MME: variants seen among roughly 807,000 people sequenced by gnomAD.
MME encodes neprilysin.
In MME, 98 loss-of-function variants were observed where a neutral mutation model predicts 113.2. The observed-to-expected ratio is 0.87, with a 90% CI of 0.74 to 1.02. The LOEUF is 1.02. Ranked by LOEUF, MME falls within the 50% of genes least tolerant of loss-of-function variation. The probability of loss-of-function intolerance (pLI) is 0.00; values close to 1 mark genes in which losing one functional copy is unlikely to be tolerated. For missense variants in MME, 836 were observed against 896.0 expected, an observed-to-expected ratio of 0.93 and a Z score of 0.86; for synonymous variants, 292 against 300.6, an observed-to-expected ratio of 0.97 and a Z score of 0.30.
intron 8 of MME, among the ~76,000 whole-genome samples, chr3:155,131,831 A>T (rs527342187): frequency 6.6e-6 from 1 of 152,322 alleles, no homozygotes; most frequent in East Asian, 1.9e-4. Context: ...CTCTCTGCTA[A>T]CAACTGCACA....
intron 1 of MME, among the ~76,000 whole-genome samples, chr3:155,056,879 A>G (rs1171553618): frequency 6.6e-6 from 1 of 152,200 alleles, no homozygotes; most frequent in Admixed American, 6.5e-5. Flanking sequence ...GTGTTGGGAA[A>G]ACTGGCTAGC....
chr3:155,099,089 T>C (rs61763214), intron 3 of MME, among the ~76,000 whole-genome samples: 1 of 152,292 alleles, frequency 6.6e-6, no homozygotes, highest in Non-Finnish European at 1.5e-5. Context: ...CTTTTCCATG[T>C]TGGGGCAAGG....
Position 155,148,892 on chromosome 3 carries a change from G to A in MME, c.1601+239G>A, listed in dbSNP as rs113869626. ...CTCAAATTTACATGTCTTTAGTTTC[G>A]TCTTATGTCATTGCCTATCAGCTCA... On this transcript the variant is annotated intron_variant, in intron 16 of 22. Coordinates refer to ENST00000360490, the MANE Select transcript of MME (RefSeq NM_007289.4). Among the ~76,000 whole-genome samples, 42 of 151,946 alleles carry A rather than the reference G, an allele frequency of 2.8e-4. 1 individual carries two copies. The highest frequency in any genetic ancestry group is 3.2e-3 in the Middle Eastern group (1 of 316).
At chr3:155,117,609 T>TG (rs1718733913) in intron 7 of MME, among the ~76,000 whole-genome samples, 2 of 129,220 alleles carry the variant, frequency 1.5e-5, no homozygotes, top group African/African-American at 5.4e-5. Context: ...GTTTTTTTTT[T>TG]TTTTTGGTTT....
chr3:155,167,579 A>G (rs147613930), intron 18 of MME, among the ~76,000 whole-genome samples: 1 of 152,316 alleles, frequency 6.6e-6, no homozygotes, highest in African/African-American at 2.4e-5. Context: ...AAAGACGTGA[A>G]ATATGTAAAG....
At chr3:155,030,143 G>A (rs1712920679) in intron 1 of MME, among the ~76,000 whole-genome samples, 1 of 152,040 alleles carries the variant, frequency 6.6e-6, no homozygotes, top group African/African-American at 2.4e-5. Flanking sequence ...AAAGGGAATA[G>A]GTAAAGATTC....
chr3:155,053,141 TC>T (rs1394904861), intron 1 of MME, among the ~76,000 whole-genome samples: 2 of 152,170 alleles, frequency 1.3e-5, no homozygotes, highest in Non-Finnish European at 2.9e-5. Flanking sequence ...TTCCAAACTT[TC>T]CCACATTTTC....
chr3:155,084,547 A>C lies in MME; in HGVS notation c.160+220A>C, dbSNP rs556974910. 2.0e-5 allele frequency among the ~76,000 whole-genome samples: 3 copies of C among 152,352 alleles called. No individual in the cohort carries two copies. The South Asian group carries it at 6.2e-4, about 32-fold the overall frequency. ...TAAGTTATTAATTGCAAGTATATTT[A>C]GTGCGCTCACGCTTACTTATGAGGA... On this transcript the variant is annotated intron_variant, in intron 2 of 22. Transcript: ENST00000360490.
chr3:155,138,024 G>A, intron 8 of MME, 78 bp from the exon 9 acceptor site: 1 of 1,506,998 alleles, frequency 6.6e-7, no homozygotes, highest in Non-Finnish European at 9.2e-7. Context: ...AATTAATATT[G>A]AAATGAAAAT....
chr3:155,031,349 T>C (rs1049810805), intron 1 of MME, among the ~76,000 whole-genome samples: 1 of 152,154 alleles, frequency 6.6e-6, no homozygotes, highest in Admixed American at 6.6e-5. Flanking sequence ...TAAATACATT[T>C]TCCCCTTTTG....
chr3:155,078,352 A>G (rs927799095), upstream of MME, among the ~76,000 whole-genome samples: 2 of 152,178 alleles, frequency 1.3e-5, no homozygotes, highest in Non-Finnish European at 2.9e-5. Context: ...ATGCACAGAG[A>G]AAGCGTAAAT....
intron 1 of MME, among the ~76,000 whole-genome samples, chr3:155,038,067 G>C (rs917048602): frequency 6.6e-6 from 1 of 152,108 alleles, no homozygotes; most frequent in Non-Finnish European, 1.5e-5. Context: ...CACACACTTT[G>C]AAGTGTTTCC....
chr3:155,088,168 C>T (rs1184964335), intron 3 of MME, among the ~76,000 whole-genome samples: 2 of 152,044 alleles, frequency 1.3e-5, no homozygotes. Context: ...CACACACCCT[C>T]ATGGATACAC....
intron 1 of MME, among the ~76,000 whole-genome samples, chr3:155,044,305 GTAT>G (rs1170809511): frequency 4.0e-5 from 6 of 150,438 alleles, no homozygotes; most frequent in Admixed American, 2.7e-4. Flanking sequence ...GCTAATTTTT[GTAT>G]TATTAGTACA....
intron 8 of MME, among the ~76,000 whole-genome samples, chr3:155,137,486 C>T (rs1415785132): frequency 1.3e-5 from 2 of 152,128 alleles, no homozygotes; most frequent in South Asian, 2.1e-4. Context: ...GCAGGCGGAT[C>T]ACAATGTCAG....
intron 2 of MME, 38 bp downstream of exon 2, chr3:155,084,365 A>T (rs1294690681): frequency 6.2e-7 from 1 of 1,606,308 alleles, no homozygotes; most frequent in African/African-American, 1.3e-5. Flanking sequence ...ATAAGTGCAA[A>T]AGAGAAGGAA....
chr3:155,110,599 C>T (rs2108240189), intron 3 of MME, among the ~76,000 whole-genome samples: 1 of 152,268 alleles, frequency 6.6e-6, no homozygotes, highest in East Asian at 1.9e-4. Context: ...TCGAAACATT[C>T]AGAATTGTCA....
chr3:155,030,285 T>C (rs1163187466), intron 1 of MME, among the ~76,000 whole-genome samples: 1 of 152,144 alleles, frequency 6.6e-6, no homozygotes, highest in Non-Finnish European at 1.5e-5. Context: ...CAAATGGAGA[T>C]TTTCTTTGTA....
At position 155,172,227 on chromosome 3, in the gene MME, T is replaced by C. The variant is rs372758338; in HGVS notation, c.2076+15T>C. ...ACTTTGCACAGGTATTGTGTCTTTC[T>C]TGATTGATAGATATGAAAACCATTT... is the stretch of plus-strand genomic sequence containing the variant. On this transcript the variant is annotated intron_variant, in intron 21 of 22. Transcript: ENST00000360490. 2 of 1,527,558 alleles carry C rather than the reference T, an allele frequency of 1.3e-6. No homozygotes were observed. Among genetic ancestry groups the C allele is most frequent in the Non-Finnish European group, 1.8e-6 (2 of 1,101,860 alleles). The allele number at this position is 1,527,558 out of a possible 1,614,324, so 94.6% of individuals were successfully genotyped here.
Sources: gnomAD v4.1 joint callset for allele counts (sites outside exome capture counted in the v4.1 genomes callset) on GRCh38, gnomAD v4.1.1 for gene constraint, MANE v1.5 for transcripts, NCBI Gene and HGNC (gene_info 2026-07-23, HGNC 2026-07-21) for gene names.